JMJD1C: variants seen among roughly 807,000 people sequenced by gnomAD.
JMJD1C encodes jumonji domain-containing protein 1C.
Under a neutral mutation model 245.3 loss-of-function variants are expected in JMJD1C, and 31 were observed. That is an observed-to-expected ratio of 0.13 (90% CI 0.09 to 0.17). The LOEUF (loss-of-function observed/expected upper bound fraction) is 0.17, where lower values mean the gene tolerates loss of function less well. Ranked by LOEUF, JMJD1C falls within the 10% of genes least tolerant of loss-of-function variation. The pLI, the probability that JMJD1C is intolerant of heterozygous loss-of-function variation, is 1.00. For missense variants in JMJD1C, 2,691 were observed against 3,000.2 expected (o/e 0.90, Z 2.41); for synonymous variants, 1,057 against 1,017.4 (o/e 1.04, Z -0.74).
At chr10:63,400,790 T>C (rs1948802460) in intron 1 of JMJD1C, among the ~76,000 whole-genome samples, 1 of 151,904 alleles carries the variant, frequency 6.6e-6, no homozygotes, top group Non-Finnish European at 1.5e-5. Flanking sequence ...GCCAGGCTGG[T>C]CTCCAACTCC....
chr10:63,270,463 C>T (rs1275225494), intron 2 of JMJD1C, among the ~76,000 whole-genome samples: 2 of 151,742 alleles, frequency 1.3e-5, no homozygotes, highest in African/African-American at 4.8e-5. Flanking sequence ...GCCACTGTGT[C>T]CAGCCTCTTC....
intron 2 of JMJD1C, among the ~76,000 whole-genome samples, chr10:63,363,290 GCT>G (rs1564835576): frequency 2.4e-5 from 3 of 127,562 alleles, no homozygotes; most frequent in African/African-American, 9.1e-5. Flanking sequence ...ATGGAGTCTC[GCT>G]CTGTCGTCCA....
intron 1 of JMJD1C, among the ~76,000 whole-genome samples, chr10:63,425,315 C>A (rs1324834166): frequency 3.3e-5 from 5 of 151,860 alleles, no homozygotes; most frequent in Non-Finnish European, 7.4e-5. Flanking sequence ...GCCAGAAAGC[C>A]AAAATTTTTA....
chr10:63,210,289 G>A (rs1285265246), intron 8 of JMJD1C, among the ~76,000 whole-genome samples: 1 of 151,954 alleles, frequency 6.6e-6, no homozygotes, highest in Non-Finnish European at 1.5e-5. Flanking sequence ...CAATAATAGT[G>A]TCTTATGCTT....
chr10:63,500,803 GCATGGATGCACA>G (rs1191411638), intron 1 of JMJD1C, among the ~76,000 whole-genome samples: 1 of 152,046 alleles, frequency 6.6e-6, no homozygotes, highest in African/African-American at 2.4e-5. Context: ...ATGCACGGAT[GCATGGATGCACA>G]GATGGATGCA....
At chr10:63,466,176 G>T (rs1489870537), upstream of JMJD1C, 2 of 189,530 alleles carry the variant, frequency 1.1e-5, no homozygotes, top group Non-Finnish European at 2.1e-5. Context: ...ACGAAAAAAT[G>T]AAGAGGGCCG....
intron 1 of JMJD1C, among the ~76,000 whole-genome samples, chr10:63,484,205 G>A (rs147138637): frequency 0.021 from 452 of 21,732 alleles, 2 homozygotes; most frequent in African/African-American, 0.039. Context: ...TGGATGGATG[G>A]ATGGATGGAT....
chr10:63,387,691 A>C (rs1276088205), intron 1 of JMJD1C, among the ~76,000 whole-genome samples: 1 of 120,256 alleles, frequency 8.3e-6, no homozygotes, highest in African/African-American at 3.3e-5. Context: ...GCTACAGTGC[A>C]GTGGCGTGAT....
chr10:63,199,674 T>G (rs934404660), intron 11 of JMJD1C, among the ~76,000 whole-genome samples: 1 of 152,162 alleles, frequency 6.6e-6, no homozygotes, highest in Admixed American at 6.5e-5. Flanking sequence ...GTACTACCTC[T>G]TATAATTATT....
intron 1 of JMJD1C, among the ~76,000 whole-genome samples, chr10:63,448,791 T>C (rs1188899583): frequency 6.6e-6 from 1 of 152,188 alleles, no homozygotes; most frequent in Non-Finnish European, 1.5e-5. Context: ...TTGTATTGAA[T>C]AGATAACAGC....
chr10:63,355,392 G>A (rs9415692), intron 2 of JMJD1C, among the ~76,000 whole-genome samples: 21,419 of 152,088 alleles, frequency 0.14, 2,211 homozygotes, highest in East Asian at 0.35. Flanking sequence ...ATATGTGTGC[G>A]CATGGCTGTG....
In JMJD1C at chr10:63,214,760, T is replaced by C; in HGVS notation, c.1407A>G (p.Thr469=). ...AATCATTAGAATTATGATCAGAAAC[T>C]GTGGACTGTTCTGACGAATGAATAA... ...DMIIHSSEQS[T]VSDHNSNDLL... The change falls in exon 8 of 26, where the codon ACA becomes ACG. Residue 469 remains threonine (T), a synonymous_variant. Coordinates refer to ENST00000399262, the MANE Select transcript of JMJD1C (RefSeq NM_032776.3). The C allele has an allele frequency of 6.2e-7, 1 of 1,613,622 alleles. No homozygotes were observed. The highest frequency in any genetic ancestry group is 1.1e-5 in the South Asian group (1 of 91,058).
chr10:63,493,578 A>C (rs1206372356), intron 1 of JMJD1C, among the ~76,000 whole-genome samples: 1 of 151,548 alleles, frequency 6.6e-6, no homozygotes, highest in Non-Finnish European at 1.5e-5. Flanking sequence ...CACCACCCCC[A>C]GCCTAATTCA....
intron 22 of JMJD1C, among the ~76,000 whole-genome samples, chr10:63,181,946 TA>T (rs747813190): frequency 5.9e-5 from 9 of 152,218 alleles, no homozygotes; most frequent in East Asian, 3.9e-4. Flanking sequence ...CTCTGGGGGA[TA>T]GGGGTGGTTA....
chr10:63,502,353 C>T (rs1034096894), intron 1 of JMJD1C, among the ~76,000 whole-genome samples: 15 of 152,030 alleles, frequency 9.9e-5, no homozygotes, highest in African/African-American at 3.6e-4. Context: ...AAAAACCTGC[C>T]GGCGGCCAGG....
intron 2 of JMJD1C, among the ~76,000 whole-genome samples, chr10:63,309,548 A>AAT (rs1340864286): frequency 2.0e-5 from 3 of 152,026 alleles, no homozygotes; most frequent in Non-Finnish European, 4.4e-5. Flanking sequence ...GATGATAATA[A>AAT]AGGAAGATCT....
Position 63,272,268 on chromosome 10 carries a change from G to C in JMJD1C, c.334-7504C>G, listed in dbSNP as rs867316857. On this transcript the variant is annotated intron_variant, in intron 2 of 25. Transcript: ENST00000399262. ...ATCCAGAAGGTAACTTTATTTTTTT[G>C]AGATGGAGTTTTGCTCTTTTTTGCC... Among the ~76,000 whole-genome samples the C allele has an allele frequency of 3.7e-4, 56 of 152,058 alleles. 1 individual carries two copies. In the Middle Eastern group the frequency reaches 0.017, roughly 46 times the overall value.
rs943849159 is a variant in JMJD1C, at chr10:63,222,477, T to C, written c.448-2494A>G. 2.1e-5 allele frequency: 21 copies of C among 982,882 alleles called. No homozygotes were observed. The African/African-American group carries it at 2.7e-4, about 13-fold the overall frequency. The allele number at this position is 982,882 out of a possible 1,614,324, so 60.9% of individuals were successfully genotyped here. On this transcript the variant is annotated intron_variant, in intron 3 of 25. Transcript: ENST00000399262. Reference sequence around the variant, plus strand: ...GATGAAAACAATAAAGGGAAAGTTGTGGCAGTAGGAGAATGTGGACTTGAT... The same window carrying C: ...GATGAAAACAATAAAGGGAAAGTTGCGGCAGTAGGAGAATGTGGACTTGAT...
chr10:63,301,350 A>C (rs1250219498), intron 2 of JMJD1C, among the ~76,000 whole-genome samples: 1 of 152,216 alleles, frequency 6.6e-6, no homozygotes, highest in Non-Finnish European at 1.5e-5. Flanking sequence ...CACAGTGTAC[A>C]AACATTCAAA....
Sources: gnomAD v4.1 joint callset for allele counts (sites outside exome capture counted in the v4.1 genomes callset) on GRCh38, gnomAD v4.1.1 for gene constraint, MANE v1.5 for transcripts, NCBI Gene and HGNC (gene_info 2026-07-23, HGNC 2026-07-21) for gene names.